The following SMARCD3 variants were observed in gnomAD, a reference collection of about 807,000 sequenced individuals.
SMARCD3 encodes the protein SWI/SNF-related matrix-associated actin-dependent regulator of chromatin subfamily D member 3.
Under a neutral mutation model 58.0 loss-of-function variants are expected in SMARCD3, and 14 were observed. That is an observed-to-expected ratio of 0.24 (90% CI 0.16 to 0.38). SMARCD3 has a LOEUF of 0.38. Ranked by LOEUF, SMARCD3 falls within the 10% of genes least tolerant of loss-of-function variation. The pLI is 1.00. For missense variants in SMARCD3, 408 were observed against 636.9 expected (o/e 0.64, Z 3.87); for synonymous variants, 253 against 253.8 (o/e 1.00, Z 0.03).
rs144383962 is a variant in SMARCD3 at position 151,241,522 on chromosome 7, T to C, written c.909A>G (p.Glu303=). Residue 303 remains glutamate (E), a synonymous_variant, in exon 8 of 13, where the codon GAA becomes GAG. Coordinates refer to ENST00000262188, the MANE Select transcript of SMARCD3 (RefSeq NM_001003801.2). The surrounding 1 kb of genome is among the most constrained non-coding windows in gnomAD (Gnocchi z 5.3). Reference sequence around the variant, plus strand: ...GGAAATACTTGTCCCCATTGATGTATTCCTTGTCATGGGAGTCCTGCAGCC... The same window carrying C: ...GGAAATACTTGTCCCCATTGATGTACTCCTTGTCATGGGAGTCCTGCAGCC... ...TNRLQDSHDK[E]YINGDKYFQQ... 80 of 1,612,494 alleles carry C rather than the reference T, an allele frequency of 5.0e-5. No individual in the cohort carries two copies. The African/African-American group carries it at 9.7e-4, about 20-fold the overall frequency.
chr7:151,262,641 G>C (rs987878828), intron 2 of SMARCD3, among the ~76,000 whole-genome samples: 13 of 152,368 alleles, frequency 8.5e-5, no homozygotes, highest in African/African-American at 2.9e-4. Context: ...TGGATAGAGG[G>C]CTTTGTGCCA....
chr7:151,274,420 C>T (rs1795276460), intron 2 of SMARCD3, among the ~76,000 whole-genome samples: 1 of 152,258 alleles, frequency 6.6e-6, no homozygotes, highest in Admixed American at 6.5e-5. Flanking sequence ...GACCATCTTC[C>T]TCTCACTCCT....
rs982952560 is a variant in SMARCD3, at chr7:151,239,567, T to C, written c.1296+57A>G. 14 of 1,612,544 alleles carry C rather than the reference T, an allele frequency of 8.7e-6. No homozygotes were observed. In the East Asian group the frequency reaches 3.1e-4, roughly 36 times the overall value. ...CCTGCCCCTGGAGTACAACGTTTAC[T>C]CTCTTTCCCGCTGTGCTTGTCTTCC... On this transcript the variant is annotated intron_variant, in intron 11 of 12. Transcript: ENST00000262188. This position sits in a 1 kb window ranked among gnomAD's most constrained non-coding sequence, Gnocchi z 7.0.
intron 2 of SMARCD3, among the ~76,000 whole-genome samples, chr7:151,264,063 T>TTTTA (rs1219762848): frequency 2.0e-5 from 3 of 150,736 alleles, no homozygotes; most frequent in African/African-American, 7.4e-5. Context: ...ACAGGATTTT[T>TTTTA]TTTTTTTTTT....
At position 151,245,855 on chromosome 7, in the gene SMARCD3, C is replaced by T. The variant is rs1404116429; in HGVS notation, c.79-184G>A. 2 of 382,580 alleles carry T rather than the reference C, an allele frequency of 5.2e-6. No individual in the cohort carries two copies. The highest frequency in any genetic ancestry group is 2.1e-5 in the African/African-American group (1 of 47,932). The allele number at this position is 382,580 out of a possible 1,614,324, so 23.7% of individuals were successfully genotyped here. A position where few individuals can be genotyped will look rare whatever the true frequency, so the allele number is the denominator to read the frequency against. On this transcript the variant is annotated intron_variant, in intron 1 of 12. Coordinates refer to ENST00000262188, the MANE Select transcript of SMARCD3 (RefSeq NM_001003801.2). The surrounding 1 kb of genome is among the most constrained non-coding windows in gnomAD (Gnocchi z 6.2). Reference sequence around the variant, plus strand: ...CAGGGGCGCCGGAATCTGCGCGGCTCTGGCGGAGGGGCTTGGCGTCTGGCT... The same window carrying T: ...CAGGGGCGCCGGAATCTGCGCGGCTTTGGCGGAGGGGCTTGGCGTCTGGCT...
intron 2 of SMARCD3, among the ~76,000 whole-genome samples, chr7:151,255,955 A>G (rs982703402): frequency 6.0e-5 from 9 of 150,728 alleles, no homozygotes; most frequent in African/African-American, 2.2e-4. Context: ...ATCTCGGCTC[A>G]CTGCAACCTC....
chr7:151,248,768 C>T, upstream of SMARCD3: 2 of 949,720 alleles, frequency 2.1e-6, no homozygotes, highest in Non-Finnish European at 2.6e-6. The surrounding 1 kb of genome is among the most constrained non-coding windows in gnomAD (Gnocchi z 6.1). Context: ...CCGCCGCCGC[C>T]GCCGCCGCGG....
rs1802797718 is a variant in SMARCD3 at position 151,238,834 on chromosome 7, T to C, written c.*269A>G. 1.3e-6 allele frequency: 2 copies of C among 1,514,864 alleles called. No homozygotes were observed. The highest frequency in any genetic ancestry group is 1.8e-6 in the Non-Finnish European group (2 of 1,127,824). 93.8% of individuals were successfully genotyped at this position (1,514,864 alleles called of 1,614,324 possible). ...TGTCTTCTGCCAAACTGTTTTTAGG[T>C]CTAGGGAAAATTGAGTAAGGAGAAG... On this transcript the variant is annotated 3_prime_UTR_variant, in exon 13 of 13. Transcript: ENST00000262188.
intron 2 of SMARCD3, among the ~76,000 whole-genome samples, chr7:151,258,307 G>T (rs1226923437): frequency 1.3e-5 from 2 of 151,900 alleles, no homozygotes; most frequent in Non-Finnish European, 2.9e-5. Context: ...CTCACACTTG[G>T]AATCCCAGCA....
Position 151,238,880 on chromosome 7 carries a change from G to A in SMARCD3, c.*223C>T, listed in dbSNP as rs550600537. 28 of 1,336,566 alleles carry A rather than the reference G, an allele frequency of 2.1e-5. No homozygotes were observed. Among genetic ancestry groups the A allele is most frequent in the Middle Eastern group, 2.5e-4 (1 of 4,006 alleles). The allele number at this position is 1,336,566 out of a possible 1,614,324, so 82.8% of individuals were successfully genotyped here. ...AGAAGAATCCAAGGGAAGGGAATGG[G>A]GAGTCGTCCCGAGGGACCCACTGCC... On this transcript the variant is annotated 3_prime_UTR_variant, in exon 13 of 13. Transcript: ENST00000262188.
At chr7:151,261,059 G>A (rs1476506513) in intron 2 of SMARCD3, among the ~76,000 whole-genome samples, 2 of 152,128 alleles carry the variant, frequency 1.3e-5, no homozygotes, top group Non-Finnish European at 2.9e-5. Context: ...GTGGGGAGGC[G>A]GCAGATGTTG....
chr7:151,269,788 G>A lies in SMARCD3; in HGVS notation c.39+5326C>T, dbSNP rs6978442. 6.9e-3 allele frequency among the ~76,000 whole-genome samples: 1,045 copies of A among 152,324 alleles called. 8 individuals are homozygous for A. Among genetic ancestry groups the A allele is most frequent in the African/African-American group, 0.023 (969 of 41,562 alleles). On this transcript the variant is annotated intron_variant, in intron 2 of 13. Transcript: ENST00000356800. ...CAGTGGCGAGGGGCGCTCGGTGAAC[G>A]CAGGCATTGTGCAGAAGGTCCGCCA... is the stretch of plus-strand genomic sequence containing the variant.
At chr7:151,247,511 C>G (rs990246531) in intron 1 of SMARCD3, among the ~76,000 whole-genome samples, 1 of 152,074 alleles carries the variant, frequency 6.6e-6, no homozygotes, top group Non-Finnish European at 1.5e-5. Context: ...GAGCTGTGCC[C>G]GCCACCAGCC....
At chr7:151,240,644 G>GCA (rs1435645432) in intron 8 of SMARCD3, 122 bp from the exon 9 acceptor site, 2 of 724,376 alleles carry the variant, frequency 2.8e-6, no homozygotes, top group Non-Finnish European at 4.6e-6. Context: ...TCCTCAGTGC[G>GCA]CATGGGGATG....
chr7:151,260,589 G>A (rs1336223545), intron 2 of SMARCD3, among the ~76,000 whole-genome samples: 2 of 152,140 alleles, frequency 1.3e-5, no homozygotes, highest in Admixed American at 6.5e-5. Context: ...CCTGTGCGAC[G>A]TACACACCTG....
chr7:151,250,088 A>C (rs79323332), upstream of SMARCD3, among the ~76,000 whole-genome samples: 1 of 152,048 alleles, frequency 6.6e-6, no homozygotes, highest in Non-Finnish European at 1.5e-5. Flanking sequence ...TGAAGACTGA[A>C]GGGTACTGAC....
upstream of SMARCD3, among the ~76,000 whole-genome samples, chr7:151,250,823 A>G (rs565707500): frequency 3.3e-5 from 5 of 152,174 alleles, no homozygotes; most frequent in South Asian, 2.1e-4. Context: ...CAGGAACTCA[A>G]CAGTACCCCA....
At chr7:151,277,114 C>G (rs1390032017), upstream of SMARCD3, 5 of 150,472 alleles carry the variant, frequency 3.3e-5, no homozygotes, top group East Asian at 5.8e-4. Flanking sequence ...CGCGGCCGCC[C>G]GCTCCCTGCT....
Position 151,241,684 on chromosome 7 carries a change from A to G in SMARCD3, c.778-31T>C. The G allele has an allele frequency of 6.3e-7, 1 of 1,591,822 alleles. No homozygotes were observed. Reference sequence around the variant, plus strand: ...AAAAGGGGACTGTGAAAGTTAGACCAAAGGGAGAGAAAGGAAGGAGCCCAG... The same window carrying G: ...AAAAGGGGACTGTGAAAGTTAGACCGAAGGGAGAGAAAGGAAGGAGCCCAG... On this transcript the variant is annotated intron_variant, in intron 7 of 12. Transcript: ENST00000262188. The surrounding 1 kb of genome is among the most constrained non-coding windows in gnomAD (Gnocchi z 5.3).
Sources: allele counts gnomAD v4.1 joint callset (sites outside exome capture counted in the v4.1 genomes callset), GRCh38; gene constraint gnomAD v4.1.1; non-coding constraint Gnocchi (gnomAD v3.1); transcripts MANE v1.5; gene names NCBI Gene and HGNC (gene_info 2026-07-23, HGNC 2026-07-21).